Variants in PDLIM4 observed in about 807,000 individuals in gnomAD.
PDLIM4 encodes PDZ and LIM domain protein 4.
A neutral mutation model predicts 31.3 loss-of-function variants in PDLIM4; 19 were observed. The observed-to-expected ratio is 0.61, with a 90% CI of 0.42 to 0.89. PDLIM4 has a LOEUF of 0.89. Ranked by LOEUF, PDLIM4 falls within the 40% of genes least tolerant of loss-of-function variation. The pLI is 0.00. For missense variants in PDLIM4, 442 were observed against 461.1 expected (o/e 0.96, Z 0.38); for synonymous variants, 176 against 190.1 (o/e 0.93, Z 0.61).
At position 132,271,900 on chromosome 5, in the gene PDLIM4, C is replaced by A; in HGVS notation, c.780C>A (p.His260Gln). Residue 260 changes from histidine (H) to glutamine (Q), a missense_variant, in exon 6 of 7, where the codon CAC becomes CAA. Transcript: ENST00000253754. Reference sequence around the variant, plus strand: ...TGCCCGAGTGCACGCGCTGCGGCCACGGCATCGTGTGAGTAACCGCCCCCG... The same window carrying A: ...TGCCCGAGTGCACGCGCTGCGGCCAAGGCATCGTGTGAGTAACCGCCCCCG... ...QGLPECTRCG[H>Q]GIVGTIVKAR... 1.9e-6 allele frequency: 3 copies of A among 1,606,342 alleles called. No individual in the cohort carries two copies. Among genetic ancestry groups the A allele is most frequent in the Non-Finnish European group, 1.7e-6 (2 of 1,175,156 alleles).
At chr5:132,262,475 G>A (rs1346810937) in intron 1 of PDLIM4, 134 bp from the exon 2 acceptor site, 15 of 753,392 alleles carry the variant, frequency 2.0e-5, no homozygotes, top group African/African-American at 1.3e-4. Context: ...CCAGCCACTC[G>A]GCTTGCCCAT....
Position 132,273,101 on chromosome 5 carries a change from T to G in PDLIM4, c.*872T>G, listed in dbSNP as rs162881. ...GAGTCCCGGCGTTTACCTCGTGGTG[T>G]GTTTGCCTTGGGCCTTTCATGCCCC... On this transcript the variant is annotated 3_prime_UTR_variant, in exon 7 of 7. Coordinates refer to ENST00000253754, the MANE Select transcript of PDLIM4 (RefSeq NM_003687.4). 32,263 of 152,256 alleles carry G rather than the reference T, an allele frequency of 0.21. 5,499 individuals are homozygous for G. The highest frequency in any genetic ancestry group is 0.45 in the African/African-American group (18,741 of 41,426). 9.4% of individuals were successfully genotyped at this position (152,256 alleles called of 1,614,324 possible). A position where few individuals can be genotyped will look rare whatever the true frequency, so the allele number is the denominator to read the frequency against.
chr5:132,271,348 C>G lies in PDLIM4; in HGVS notation c.552C>G (p.Val184=), dbSNP rs1331821936. Residue 184 remains valine, a synonymous_variant, in exon 5 of 7, where the codon GTC becomes GTG. Transcript: ENST00000253754. ...RGLPRSRDCR[V]DLGSEVYRML... is the part of the protein sequence containing the mutation. ...TCCCGCGGAGCCGGGACTGCAGAGT[C>G]GACCTGGGCTCCGAGGTGTACAGGA... 7 of 1,602,878 alleles carry G rather than the reference C, an allele frequency of 4.4e-6. No homozygotes were observed. In the East Asian group the frequency reaches 1.3e-4, roughly 31 times the overall value.
intron 3 of PDLIM4, among the ~76,000 whole-genome samples, chr5:132,268,895 A>G (rs1756547479): frequency 6.6e-6 from 1 of 152,194 alleles, no homozygotes; most frequent in Admixed American, 6.5e-5. Context: ...GCAGAGGAGC[A>G]TATGGTACGA....
intron 1 of PDLIM4, among the ~76,000 whole-genome samples, chr5:132,258,210 A>T (rs1002961456): frequency 6.6e-6 from 1 of 152,196 alleles, no homozygotes; most frequent in Non-Finnish European, 1.5e-5. Flanking sequence ...AAAATGATTT[A>T]GAGCCCCCCT....
chr5:132,268,420 G>A (rs913698228), intron 3 of PDLIM4, among the ~76,000 whole-genome samples: 3 of 152,162 alleles, frequency 2.0e-5, no homozygotes, highest in African/African-American at 7.2e-5. Flanking sequence ...TTGGCCCTAG[G>A]ACCAGCACAA....
Position 132,272,208 on chromosome 5 carries a change from T to C in PDLIM4, c.972T>C (p.Asn324=), listed in dbSNP as rs780376957. The C allele has an allele frequency of 6.2e-7, 1 of 1,614,086 alleles. No individual in the cohort carries two copies. The highest frequency in any genetic ancestry group is 8.5e-7 in the Non-Finnish European group (1 of 1,179,962). Reference sequence around the variant, plus strand: ...ACGACGTGGTGGCGGTGTACCCCAATGCCAAGGTGGAACTCGTCTGAGCTG... The same window carrying C: ...ACGACGTGGTGGCGGTGTACCCCAACGCCAAGGTGGAACTCGTCTGAGCTG... ...EGYDVVAVYP[N]AKVELV is the part of the protein sequence containing the mutation. Residue 324 remains asparagine, a synonymous_variant, in exon 7 of 7, where the codon AAT becomes AAC. Coordinates refer to ENST00000253754, the MANE Select transcript of PDLIM4 (RefSeq NM_003687.4).
chr5:132,269,475 T>C (rs1756558740), intron 3 of PDLIM4, among the ~76,000 whole-genome samples: 1 of 151,118 alleles, frequency 6.6e-6, no homozygotes, highest in Non-Finnish European at 1.5e-5. Flanking sequence ...CTGATGTGGA[T>C]AGGGGTTTTC....
At chr5:132,258,839 C>T (rs946164514) in intron 1 of PDLIM4, among the ~76,000 whole-genome samples, 8 of 152,212 alleles carry the variant, frequency 5.3e-5, no homozygotes, top group African/African-American at 1.9e-4. Context: ...TCTTTGGGGG[C>T]CTGTGTCAGA....
intron 4 of PDLIM4, 26 bp from the exon 5 acceptor site, chr5:132,271,277 C>T (rs1428651719): frequency 1.3e-6 from 2 of 1,577,082 alleles, no homozygotes; most frequent in Admixed American, 1.7e-5. Context: ...GCATCCCTTC[C>T]TCCTCTATTT....
At chr5:132,265,155 G>A (rs374187117) in intron 2 of PDLIM4, among the ~76,000 whole-genome samples, 23 of 152,270 alleles carry the variant, frequency 1.5e-4, no homozygotes, top group Middle Eastern at 3.4e-3. Context: ...CTGTCATTTT[G>A]TTTAAAGAGC....
chr5:132,261,846 G>C (rs1046368718), intron 1 of PDLIM4, among the ~76,000 whole-genome samples: 2 of 152,160 alleles, frequency 1.3e-5, no homozygotes, highest in African/African-American at 4.8e-5. Context: ...TGCTCAGGGA[G>C]GTGATGTTCA....
At chr5:132,271,512 AGT>A in intron 5 of PDLIM4, 46 bp downstream of exon 5, 3 of 1,593,940 alleles carry the variant, frequency 1.9e-6, no homozygotes, top group Non-Finnish European at 2.6e-6. Flanking sequence ...CACTCCCTGC[AGT>A]GCCCAGGTTG....
chr5:132,260,517 C>T (rs984982266), intron 1 of PDLIM4, among the ~76,000 whole-genome samples: 2 of 152,192 alleles, frequency 1.3e-5, no homozygotes, highest in African/African-American at 4.8e-5. Flanking sequence ...TCCGGCCATA[C>T]AACCTTCCTT....
rs115069667 is a variant in PDLIM4, at chr5:132,257,867, T to C, written c.93+40T>C. On this transcript the variant is annotated intron_variant, in intron 1 of 6. Coordinates refer to ENST00000253754, the MANE Select transcript of PDLIM4 (RefSeq NM_003687.4). The surrounding 1 kb of genome is among the most constrained non-coding windows in gnomAD (Gnocchi z 4.3). ...TGCGTGGCGGCAGGGCGGTCCCATGTCTGAGACCGGGTTCTCGCGGTCCGC... is the reference window on the plus strand; with the variant it reads ...TGCGTGGCGGCAGGGCGGTCCCATGCCTGAGACCGGGTTCTCGCGGTCCGC... 5.1e-3 allele frequency: 6,065 copies of C among 1,196,396 alleles called. 230 individuals carry two copies. In the African/African-American group the frequency reaches 0.083, roughly 16 times the overall value. The allele number at this position is 1,196,396 out of a possible 1,614,324, so 74.1% of individuals were successfully genotyped here.
At chr5:132,271,752 T>C (rs771794707) in intron 5 of PDLIM4, 39 bp from the exon 6 acceptor site, 3 of 1,370,486 alleles carry the variant, frequency 2.2e-6, no homozygotes, top group East Asian at 4.6e-5. Flanking sequence ...AGTTCTGACC[T>C]CCTCACCCCG....
intron 1 of PDLIM4, among the ~76,000 whole-genome samples, chr5:132,260,113 G>T (rs1222367094): frequency 2.0e-5 from 3 of 152,198 alleles, no homozygotes; most frequent in Non-Finnish European, 4.4e-5. Flanking sequence ...GTGGAGACAG[G>T]AGGAATCCAG....
chr5:132,265,476 C>T (rs946585412), intron 2 of PDLIM4, among the ~76,000 whole-genome samples: 3 of 152,158 alleles, frequency 2.0e-5, no homozygotes, highest in Admixed American at 1.3e-4. Flanking sequence ...GGCAGCAGAG[C>T]TCTAATACCA....
In PDLIM4 at chr5:132,260,296, G is replaced by A. The variant is rs182654501; in HGVS notation, c.94-2313G>A. Among the ~76,000 whole-genome samples, 5 of 152,282 alleles carry A rather than the reference G, an allele frequency of 3.3e-5. No individual in the cohort carries two copies. The East Asian group carries it at 9.7e-4, about 29-fold the overall frequency. The stretch of plus-strand genomic sequence containing the variant: ...ACCTGACTTCACTGTTCCTGTCTCT[G>A]TTCCTTCTTTCTGTTTATCCTGTGC... On this transcript the variant is annotated intron_variant, in intron 1 of 6. Coordinates refer to ENST00000253754, the MANE Select transcript of PDLIM4 (RefSeq NM_003687.4).
Sources: gnomAD v4.1 joint callset for allele counts (sites outside exome capture counted in the v4.1 genomes callset) on GRCh38, gnomAD v4.1.1 for gene constraint, Gnocchi (gnomAD v3.1) non-coding constraint, MANE v1.5 for transcripts, NCBI Gene and HGNC (gene_info 2026-07-23, HGNC 2026-07-21) for gene names.